Variants in PLXNA4 observed in about 807,000 individuals in gnomAD.
The protein encoded by PLXNA4 is plexin-A4.
Under a neutral mutation model 191.8 loss-of-function variants are expected in PLXNA4, and 44 were observed. The observed-to-expected ratio is 0.23, with a 90% CI of 0.18 to 0.29. The LOEUF (loss-of-function observed/expected upper bound fraction) is 0.29. PLXNA4 is among the 10% of genes least tolerant of loss of function. PLXNA4 has a pLI of 1.00. For missense variants in PLXNA4, 1,800 were observed against 2,488.8 expected, an observed-to-expected ratio of 0.72 and a Z score of 5.89; for synonymous variants, 1,082 against 1,009.5, an observed-to-expected ratio of 1.07 and a Z score of -1.36.
rs77133597 is a variant in PLXNA4, at chr7:132,125,469, G to A, written c.*5010C>T. The A allele has an allele frequency of 1.6e-3, 239 of 151,996 alleles. 2 individuals carry two copies. The highest frequency in any genetic ancestry group is 5.6e-3 in the African/African-American group (234 of 41,492). 9.4% of individuals were successfully genotyped at this position (151,996 alleles called of 1,614,324 possible). A position where few individuals can be genotyped will look rare whatever the true frequency, so the allele number is the denominator to read the frequency against. ...TGAACCTCTCCTCATCCCCTTGGAA[G>A]TCATAGGTTTTGCTCCCACTAACCG... On this transcript the variant is annotated 3_prime_UTR_variant, in exon 32 of 32. Coordinates refer to ENST00000321063, the MANE Select transcript of PLXNA4 (RefSeq NM_020911.2).
chr7:132,519,565 G>A (rs939597102), intron 1 of PLXNA4, among the ~76,000 whole-genome samples: 2 of 152,180 alleles, frequency 1.3e-5, no homozygotes, highest in Admixed American at 6.5e-5. Context: ...TTTTCACCAG[G>A]AGAGGAGGCT....
At chr7:132,548,888 C>A (rs990915012) in intron 1 of PLXNA4, among the ~76,000 whole-genome samples, 2 of 152,150 alleles carry the variant, frequency 1.3e-5, no homozygotes, top group Non-Finnish European at 2.9e-5. Flanking sequence ...ATGAAAGTGA[C>A]CTCGGGTCGT....
intron 21 of PLXNA4, among the ~76,000 whole-genome samples, chr7:132,174,327 C>G (rs1437393376): frequency 6.6e-6 from 1 of 152,168 alleles, no homozygotes; most frequent in Non-Finnish European, 1.5e-5. Context: ...ATTTCCACCC[C>G]ACTTCCCAAC....
At chr7:132,162,433 C>T (rs539208741) in intron 24 of PLXNA4, among the ~76,000 whole-genome samples, 8 of 152,290 alleles carry the variant, frequency 5.3e-5, no homozygotes, top group Admixed American at 2.0e-4. Flanking sequence ...CAGCTCAGTG[C>T]ACTACCAGTA....
Position 132,617,517 on chromosome 7 carries a change from A to G in PLXNA4, c.-87+28411T>C, listed in dbSNP as rs116500772. 3.7e-3 allele frequency among the ~76,000 whole-genome samples: 569 copies of G among 152,334 alleles called. 4 individuals are homozygous for G. The highest frequency in any genetic ancestry group is 0.013 in the African/African-American group (544 of 41,576). On this transcript the variant is annotated intron_variant, in intron 2 of 4. Coordinates refer to the PLXNA4 transcript ENST00000378539. ...ATGGTAAGGAGTTTGATTTCAGACC[A>G]AATACATAAATTATTTTCCTTTAGG...
chr7:132,255,631 T>C (rs1201270404), intron 4 of PLXNA4, among the ~76,000 whole-genome samples: 1 of 152,184 alleles, frequency 6.6e-6, no homozygotes, highest in Non-Finnish European at 1.5e-5. Flanking sequence ...GAAGAGAACT[T>C]GTGATGGGAT....
chr7:132,298,481 G>A, intron 3 of PLXNA4, among the ~76,000 whole-genome samples: 1 of 152,236 alleles, frequency 6.6e-6, no homozygotes, highest in Middle Eastern at 3.2e-3. Context: ...CTATGCCTCA[G>A]GCTCAAGCAT....
chr7:132,384,969 G>A (rs1805060644), intron 3 of PLXNA4: 2 of 1,355,536 alleles, frequency 1.5e-6, no homozygotes, highest in South Asian at 1.5e-5. Flanking sequence ...AATTACCCAT[G>A]GGACGCTTGG....
chr7:132,142,648 T>C (rs1339692743), intron 29 of PLXNA4, among the ~76,000 whole-genome samples: 2 of 152,144 alleles, frequency 1.3e-5, no homozygotes, highest in Non-Finnish European at 2.9e-5. Context: ...CGGTGTTTGC[T>C]TCATCCCTGG....
chr7:132,218,660 C>A (rs1798046385), intron 9 of PLXNA4, among the ~76,000 whole-genome samples: 1 of 152,052 alleles, frequency 6.6e-6, no homozygotes, highest in Admixed American at 6.5e-5. Context: ...GGGATGGATT[C>A]CAAAACCACC....
At chr7:132,404,638 G>A (rs559785428) in intron 3 of PLXNA4, among the ~76,000 whole-genome samples, 1 of 152,304 alleles carries the variant, frequency 6.6e-6, no homozygotes, top group South Asian at 2.1e-4. Context: ...TGCTTGATTG[G>A]CATCCTAATG....
intron 28 of PLXNA4, among the ~76,000 whole-genome samples, chr7:132,145,842 G>A (rs1028947117): frequency 6.7e-5 from 10 of 149,348 alleles, no homozygotes; most frequent in African/African-American, 2.5e-4. Flanking sequence ...GGCTGAGGCG[G>A]ACGGATCATT....
chr7:132,153,320 C>T (rs1795699223), intron 25 of PLXNA4, among the ~76,000 whole-genome samples: 1 of 152,084 alleles, frequency 6.6e-6, no homozygotes, highest in African/African-American at 2.4e-5. Context: ...AAAGATCCAG[C>T]ATGCCATGCC....
chr7:132,226,871 G>A (rs1392955219), intron 7 of PLXNA4, among the ~76,000 whole-genome samples: 2 of 152,204 alleles, frequency 1.3e-5, no homozygotes, highest in African/African-American at 4.8e-5. Flanking sequence ...TAATCAATCA[G>A]CTCTGAACAA....
At chr7:132,223,462 G>C in intron 9 of PLXNA4, 65 bp downstream of exon 9, 1 of 1,350,758 alleles carries the variant, frequency 7.4e-7, no homozygotes, top group Non-Finnish European at 1.0e-6. Flanking sequence ...TTAAGGGAAT[G>C]CCTCTCTTCT....
At chr7:132,444,020 A>G (rs905803823) in intron 3 of PLXNA4, among the ~76,000 whole-genome samples, 2 of 152,290 alleles carry the variant, frequency 1.3e-5, no homozygotes, top group Middle Eastern at 3.4e-3. Flanking sequence ...TTTCTCTGCA[A>G]ATGCCTGGCT....
chr7:132,218,519 A>G (rs528319357), intron 9 of PLXNA4, among the ~76,000 whole-genome samples: 3 of 152,234 alleles, frequency 2.0e-5, no homozygotes, highest in African/African-American at 7.2e-5. Flanking sequence ...AAAAAACAGC[A>G]AAATAGTCCA....
chr7:132,210,930 T>C lies in PLXNA4; in HGVS notation c.2298+13A>G, dbSNP rs867820985. On this transcript the variant is annotated intron_variant, in intron 10 of 31. Coordinates refer to ENST00000321063, the MANE Select transcript of PLXNA4 (RefSeq NM_020911.2). ...GGGCCTGGTTTGGCAGTGGGCAGGG[T>C]TGGGCGACTCACAGAGGTGTTCTGG... The C allele has an allele frequency of 6.2e-7, 1 of 1,607,732 alleles. No individual in the cohort carries two copies. The highest frequency in any genetic ancestry group is 8.5e-7 in the Non-Finnish European group (1 of 1,177,098).
intron 3 of PLXNA4, among the ~76,000 whole-genome samples, chr7:132,483,218 T>A (rs571016041): frequency 6.6e-6 from 1 of 152,230 alleles, no homozygotes; most frequent in African/African-American, 2.4e-5. Context: ...GCTGAGGAAA[T>A]CATAGCAATT....
Sources: gnomAD v4.1 joint callset for allele counts (sites outside exome capture counted in the v4.1 genomes callset) on GRCh38, gnomAD v4.1.1 for gene constraint, MANE v1.5 for transcripts, NCBI Gene and HGNC (gene_info 2026-07-23, HGNC 2026-07-21) for gene names.